WDFY1: variants seen among roughly 807,000 people sequenced by gnomAD.
WDFY1 encodes WD repeat and FYVE domain-containing protein 1.
In WDFY1, 32 loss-of-function variants were observed where a neutral mutation model predicts 56.4. The ratio of observed to expected loss-of-function variants is 0.57; its 90% CI spans 0.43 to 0.76. The LOEUF is 0.76. WDFY1 is among the 30% of genes least tolerant of loss of function. WDFY1 has a pLI of 0.00. For missense variants in WDFY1, 480 were observed against 545.7 expected (o/e 0.88, Z 1.20); for synonymous variants, 192 against 197.3 (o/e 0.97, Z 0.23).
chr2:223,927,539 G>A (rs6746036), intron 1 of WDFY1, among the ~76,000 whole-genome samples: 127,993 of 152,172 alleles, frequency 0.84, 54,573 homozygotes, highest in Non-Finnish European at 0.93. Flanking sequence ...GAGGATTAAG[G>A]CCTTGCTCTG....
At position 223,894,995 on chromosome 2, in the gene WDFY1, G is replaced by A. The variant is rs1693339851; in HGVS notation, c.725+509C>T. On this transcript the variant is annotated intron_variant, in intron 7 of 11. Coordinates refer to ENST00000233055, the MANE Select transcript of WDFY1 (RefSeq NM_020830.5). Reference sequence around the variant, plus strand: ...ATTTCTTTTTCTTTCAGGGCTACAGGGCAAGATCCTAAATATACAATGGTA... The same window carrying A: ...ATTTCTTTTTCTTTCAGGGCTACAGAGCAAGATCCTAAATATACAATGGTA... 2.0e-5 allele frequency among the ~76,000 whole-genome samples: 3 copies of A among 152,132 alleles called. No homozygotes were observed. The South Asian group carries it at 6.2e-4, about 31-fold the overall frequency.
intron 8 of WDFY1, among the ~76,000 whole-genome samples, chr2:223,887,760 A>C (rs1230836734): frequency 6.6e-6 from 1 of 152,176 alleles, no homozygotes; most frequent in Non-Finnish European, 1.5e-5. Flanking sequence ...ATTTTTCTTG[A>C]GTTAAAATTT....
In WDFY1 at chr2:223,895,597, T is replaced by C; in HGVS notation, c.632A>G (p.Gln211Arg). The C allele has an allele frequency of 6.2e-7, 1 of 1,613,852 alleles. No individual in the cohort carries two copies. Among genetic ancestry groups the C allele is most frequent in the East Asian group, 2.2e-5 (1 of 44,866 alleles). ...SVACLWWDPIQRLLFSGASDN... is the reference protein window; with the variant it reads ...SVACLWWDPIRRLLFSGASDN... The stretch of plus-strand genomic sequence containing the variant: ...AGATGCTCCTGAGAAGAGTAACCGC[T>C]GAATAGGGTCCCACCAGAGGCAGGC... Residue 211 changes from glutamine (Q) to arginine (R), a missense_variant, in exon 7 of 12, where the codon CAG becomes CGG. Gln to Arg is a conservative substitution (Grantham distance 43, BLOSUM62 1). Coordinates refer to ENST00000233055, the MANE Select transcript of WDFY1 (RefSeq NM_020830.5).
chr2:223,890,132 G>C (rs1373390086), intron 8 of WDFY1, among the ~76,000 whole-genome samples: 3 of 152,180 alleles, frequency 2.0e-5, no homozygotes, highest in Non-Finnish European at 4.4e-5. Context: ...CTACAGATCT[G>C]AGCTCTTGCC....
At chr2:223,917,090 G>A (rs187537373) in intron 2 of WDFY1, among the ~76,000 whole-genome samples, 6 of 151,620 alleles carry the variant, frequency 4.0e-5, no homozygotes, top group Non-Finnish European at 8.8e-5. Context: ...CTGGGATTAC[G>A]GGCATGAGCC....
rs115563145 is a variant in WDFY1 at position 223,891,262 on chromosome 2, C to T, written c.831+2972G>A. Among the ~76,000 whole-genome samples the T allele has an allele frequency of 2.9e-3, 435 of 150,816 alleles. 4 individuals carry two copies. Among genetic ancestry groups the T allele is most frequent in the African/African-American group, 0.01 (421 of 41,130 alleles). On this transcript the variant is annotated intron_variant, in intron 8 of 11. Coordinates refer to ENST00000233055, the MANE Select transcript of WDFY1 (RefSeq NM_020830.5). ...TACAGGTATGGTGGCATAAGCCTGTCACCCCAGATACCTGGGAGGCTGAGG... is the reference window on the plus strand; with the variant it reads ...TACAGGTATGGTGGCATAAGCCTGTTACCCCAGATACCTGGGAGGCTGAGG...
chr2:223,891,128 C>A (rs1237904826), intron 8 of WDFY1, among the ~76,000 whole-genome samples: 1 of 152,060 alleles, frequency 6.6e-6, no homozygotes, highest in Non-Finnish European at 1.5e-5. Context: ...GTAATCCCAG[C>A]ACTTTGGGAA....
rs185653269 is a variant in WDFY1, at chr2:223,900,963, G to A, written c.485+220C>T. 1.1e-3 allele frequency: 527 copies of A among 492,424 alleles called. 5 individuals carry two copies. The highest frequency in any genetic ancestry group is 9.9e-3 in the African/African-American group (503 of 50,610). The allele number at this position is 492,424 out of a possible 1,614,324, so 30.5% of individuals were successfully genotyped here. On this transcript the variant is annotated intron_variant, in intron 5 of 11. Coordinates refer to ENST00000233055, the MANE Select transcript of WDFY1 (RefSeq NM_020830.5). ...CCCAATTTACAGCAAACTTACGGAA[G>A]TTCTCGGATTTTCAGTGAAATATGT...
chr2:223,926,173 G>C (rs1291403287), intron 1 of WDFY1, among the ~76,000 whole-genome samples: 1 of 152,102 alleles, frequency 6.6e-6, no homozygotes, highest in Non-Finnish European at 1.5e-5. Flanking sequence ...TTGAGACAGG[G>C]TCTCCCTCGG....
At chr2:223,892,114 A>C (rs1162652830) in intron 8 of WDFY1, among the ~76,000 whole-genome samples, 1 of 152,094 alleles carries the variant, frequency 6.6e-6, no homozygotes, top group East Asian at 1.9e-4. Flanking sequence ...AGCTGGGATT[A>C]TAGGCACCTG....
At chr2:223,935,072 A>G (rs1350429886) in intron 1 of WDFY1, among the ~76,000 whole-genome samples, 2 of 152,136 alleles carry the variant, frequency 1.3e-5, no homozygotes, top group South Asian at 2.1e-4. Flanking sequence ...TCTATGGGAC[A>G]CTGCAGGTAT....
chr2:223,932,868 G>GA (rs71727456), intron 1 of WDFY1, among the ~76,000 whole-genome samples: 24,198 of 145,462 alleles, frequency 0.17, 3,232 homozygotes, highest in African/African-American at 0.37. Context: ...GGGGATACAG[G>GA]AAAAAAAAAA....
chr2:223,880,515 G>A (rs1313464775), intron 10 of WDFY1, among the ~76,000 whole-genome samples: 1 of 151,522 alleles, frequency 6.6e-6, no homozygotes, highest in Non-Finnish European at 1.5e-5. Flanking sequence ...GCTGAGGCAG[G>A]AGAATCGCTT....
chr2:223,942,081 G>A (rs139421626), intron 1 of WDFY1, among the ~76,000 whole-genome samples: 36 of 152,242 alleles, frequency 2.4e-4, no homozygotes, highest in African/African-American at 6.5e-4. Flanking sequence ...CCCCCAGAAC[G>A]TTTCAGTCCC....
At chr2:223,879,243 G>T (rs765054128) in intron 11 of WDFY1, among the ~76,000 whole-genome samples, 1 of 152,146 alleles carries the variant, frequency 6.6e-6, no homozygotes, top group Non-Finnish European at 1.5e-5. Context: ...TGTGAATAAA[G>T]CATATAGGTA....
intron 6 of WDFY1, among the ~76,000 whole-genome samples, chr2:223,897,384 A>ATTTTTTT (rs1441035020): frequency 2.4e-4 from 28 of 117,436 alleles, no homozygotes; most frequent in East Asian, 1.9e-3. Context: ...ATATATATAT[A>ATTTTTTT]TATATATTTT....
In WDFY1 at chr2:223,885,316, G is replaced by A. The variant is rs753085214; in HGVS notation, c.832-567C>T. On this transcript the variant is annotated intron_variant, in intron 8 of 11. Coordinates refer to ENST00000233055, the MANE Select transcript of WDFY1 (RefSeq NM_020830.5). ...AATGATCCTCCTGCCTCAGCCTCCC[G>A]AATAGCTGGGACCACAGGTGAGTGT... 3.9e-5 allele frequency among the ~76,000 whole-genome samples: 6 copies of A among 151,920 alleles called. No individual in the cohort carries two copies. The East Asian group carries it at 5.8e-4, about 15-fold the overall frequency.
intron 1 of WDFY1, among the ~76,000 whole-genome samples, chr2:223,927,077 G>T (rs1054084017): frequency 2.6e-5 from 4 of 152,154 alleles, no homozygotes. Context: ...TGTCATCCAG[G>T]CTTTGTTGTT....
At chr2:223,905,292 C>T (rs2106084807) in intron 4 of WDFY1, among the ~76,000 whole-genome samples, 1 of 152,168 alleles carries the variant, frequency 6.6e-6, no homozygotes, top group South Asian at 2.1e-4. Flanking sequence ...GGTTATTCCA[C>T]TTTGTAGGAA....
Sources: gnomAD v4.1 joint callset for allele counts (sites outside exome capture counted in the v4.1 genomes callset) on GRCh38, gnomAD v4.1.1 for gene constraint, MANE v1.5 for transcripts, NCBI Gene and HGNC (gene_info 2026-07-23, HGNC 2026-07-21) for gene names.